Variants in RAB3C observed in about 807,000 individuals in gnomAD.
RAB3C encodes the protein ras-related protein Rab-3C.
In RAB3C, 17 loss-of-function variants were observed where a neutral mutation model predicts 26.4. The ratio of observed to expected loss-of-function variants is 0.64; its 90% confidence interval spans 0.44 to 0.97. The LOEUF (loss-of-function observed/expected upper bound fraction) is 0.97. Ranked by LOEUF, RAB3C falls within the 50% of genes least tolerant of loss-of-function variation. The probability of loss-of-function intolerance (pLI) is 0.00; values close to 1 mark genes in which losing one functional copy is unlikely to be tolerated. For missense variants in RAB3C, 242 were observed against 281.9 expected, an observed-to-expected ratio of 0.86 and a Z score of 1.01; for synonymous variants, 91 against 95.9, an observed-to-expected ratio of 0.95 and a Z score of 0.30.
At chr5:58,850,221 G>T (rs1744086225) in intron 4 of RAB3C, among the ~76,000 whole-genome samples, 1 of 152,218 alleles carries the variant, frequency 6.6e-6, no homozygotes, top group South Asian at 2.1e-4. Flanking sequence ...AGGTACAGTG[G>T]CACATAGGTG....
chr5:58,633,581 C>G (rs1435795462), intron 2 of RAB3C, among the ~76,000 whole-genome samples: 1 of 152,140 alleles, frequency 6.6e-6, no homozygotes, highest in African/African-American at 2.4e-5. Context: ...CTTTCCATAT[C>G]TGAATAAAAG....
intron 3 of RAB3C, chr5:58,822,676 G>T: frequency 2.4e-6 from 1 of 419,010 alleles, no homozygotes; most frequent in Non-Finnish European, 4.6e-6. Flanking sequence ...AACAAACAGA[G>T]ATATGATTTG....
chr5:58,660,565 CT>C (rs1399421333), intron 2 of RAB3C, among the ~76,000 whole-genome samples: 1 of 150,170 alleles, frequency 6.7e-6, no homozygotes, highest in African/African-American at 2.5e-5. Context: ...TTATTTTGAT[CT>C]GCCAATGGCA....
At chr5:58,708,193 T>A (rs1748986227) in intron 2 of RAB3C, among the ~76,000 whole-genome samples, 1 of 152,096 alleles carries the variant, frequency 6.6e-6, no homozygotes, top group African/African-American at 2.4e-5. Flanking sequence ...TCTTGCGATG[T>A]TGCCCAGGCT....
rs750071008 is a variant in RAB3C at position 58,825,104 on chromosome 5, C to A, written c.438C>A (p.Asp146Glu). 6.2e-7 allele frequency: 1 copy of A among 1,613,424 alleles called. No homozygotes were observed. The highest frequency in any genetic ancestry group is 8.5e-7 in the Non-Finnish European group (1 of 1,179,564). The change falls in exon 4 of 5, where the codon GAC (aspartate) becomes GAA (glutamate). Residue 146 changes from aspartate to glutamate, a missense_variant. By Grantham distance (45) the Asp-to-Glu change is conservative. Transcript: ENST00000282878. ...AQVILVGNKC[D>E]MEDERVISTE... ...TTATTCTGGTTGGGAACAAGTGTGA[C>A]ATGGAAGACGAGCGGGTCATCTCAA... is the stretch of plus-strand genomic sequence containing the variant.
At chr5:58,612,532 A>ATGTATATATATATATGTG (rs1250393146) in intron 1 of RAB3C, among the ~76,000 whole-genome samples, 1 of 87,204 alleles carries the variant, frequency 1.1e-5, no homozygotes, top group African/African-American at 4.3e-5. Context: ...ATATATATAT[A>ATGTATATATATATATGTG]TATATATATA....
At chr5:58,720,888 T>A (rs1579878383) in intron 2 of RAB3C, among the ~76,000 whole-genome samples, 2 of 151,806 alleles carry the variant, frequency 1.3e-5, no homozygotes, top group East Asian at 3.9e-4. Flanking sequence ...AAGTAACCAC[T>A]AAAACAAAAA....
At chr5:58,657,926 T>C (rs915050407) in intron 2 of RAB3C, among the ~76,000 whole-genome samples, 76 of 152,286 alleles carry the variant, frequency 5.0e-4, no homozygotes, top group African/African-American at 1.8e-3. Context: ...AAAAGGCCCA[T>C]GAAAAATTTA....
intron 2 of RAB3C, among the ~76,000 whole-genome samples, chr5:58,618,727 A>T (rs1036174770): frequency 6.6e-6 from 1 of 152,218 alleles, no homozygotes; most frequent in African/African-American, 2.4e-5. Flanking sequence ...GGACATCGTA[A>T]TATGTACATA....
chr5:58,647,195 G>A (rs1034021165), intron 2 of RAB3C, among the ~76,000 whole-genome samples: 10 of 152,134 alleles, frequency 6.6e-5, no homozygotes, highest in African/African-American at 1.9e-4. Flanking sequence ...GTATTAGTCC[G>A]TTCTCAGACT....
intron 4 of RAB3C, among the ~76,000 whole-genome samples, chr5:58,842,800 G>C (rs1371098356): frequency 2.6e-5 from 4 of 152,192 alleles, no homozygotes; most frequent in Non-Finnish European, 4.4e-5. Context: ...TTCACATAGT[G>C]TTCTGTGTCT....
Position 58,583,330 on chromosome 5 carries a change from G to A in RAB3C, c.24+98G>A, listed in dbSNP as rs932764668. ...CAGTTCAACGTAAGGAAAGGTCTAG[G>A]CGGTCACCCGCGGAGATGCGGCTCT... On this transcript the variant is annotated intron_variant, in intron 1 of 4. Transcript: ENST00000282878. 2.5e-6 allele frequency: 4 copies of A among 1,579,974 alleles called. No homozygotes were observed. The African/African-American group carries it at 4.0e-5, about 16-fold the overall frequency.
At chr5:58,829,471 C>T (rs1743566437) in intron 4 of RAB3C, among the ~76,000 whole-genome samples, 1 of 152,006 alleles carries the variant, frequency 6.6e-6, no homozygotes, top group Non-Finnish European at 1.5e-5. Flanking sequence ...TGCCTTGAAA[C>T]CACAGGTGAA....
intron 2 of RAB3C, among the ~76,000 whole-genome samples, chr5:58,719,936 A>T (rs891537156): frequency 2.0e-5 from 3 of 151,916 alleles, no homozygotes; most frequent in East Asian, 1.9e-4. Context: ...GAAATAATTT[A>T]AAAAAGGAAG....
At chr5:58,730,282 TAAAA>T (rs923970479) in intron 3 of RAB3C, among the ~76,000 whole-genome samples, 2 of 151,578 alleles carry the variant, frequency 1.3e-5, no homozygotes, top group African/African-American at 4.8e-5. Context: ...ATTTCAAAAG[TAAAA>T]AAAATCAGAA....
chr5:58,699,841 G>T (rs181036345), intron 2 of RAB3C, among the ~76,000 whole-genome samples: 85 of 152,334 alleles, frequency 5.6e-4, no homozygotes, highest in African/African-American at 1.9e-3. Flanking sequence ...ATTTAGGCAG[G>T]AGTGTCCCAT....
intron 3 of RAB3C, among the ~76,000 whole-genome samples, chr5:58,775,542 G>A (rs75191105): frequency 7.2e-4 from 109 of 152,162 alleles, no homozygotes; most frequent in Non-Finnish European, 1.3e-3. Flanking sequence ...GAAATGGGAT[G>A]ACCCCTCTAA....
intron 2 of RAB3C, among the ~76,000 whole-genome samples, chr5:58,652,849 A>G (rs955176054): frequency 6.6e-6 from 1 of 152,204 alleles, no homozygotes; most frequent in Non-Finnish European, 1.5e-5. Context: ...GTTTATTGCT[A>G]GAAATTTTCC....
At chr5:58,753,778 G>C (rs1428527093) in intron 3 of RAB3C, among the ~76,000 whole-genome samples, 1 of 152,210 alleles carries the variant, frequency 6.6e-6, no homozygotes, top group Non-Finnish European at 1.5e-5. Flanking sequence ...CTATAGGCTG[G>C]TGGTGTCTGG....
Sources: allele counts gnomAD v4.1 joint callset (sites outside exome capture counted in the v4.1 genomes callset), GRCh38; gene constraint gnomAD v4.1.1; transcripts MANE v1.5; gene names NCBI Gene and HGNC (gene_info 2026-07-23, HGNC 2026-07-21).